The following ADARB2 variants were observed in gnomAD, a reference collection of about 807,000 sequenced individuals.
ADARB2 encodes the protein inactive double-stranded RNA-specific editase B2.
In ADARB2, 25 loss-of-function variants were observed where a neutral mutation model predicts 62.2. That is an observed-to-expected ratio of 0.40 (90% CI 0.29 to 0.56). ADARB2 has a LOEUF of 0.56. Among genes scored for constraint, ADARB2 ranks in the 20% least tolerant of loss-of-function variants. The pLI is 0.43. For synonymous variants in ADARB2, 572 were observed against 500.8 expected, an observed-to-expected ratio of 1.14 and a Z score of -1.90; for missense variants, 1,071 against 1,077.4, an observed-to-expected ratio of 0.99 and a Z score of 0.08.
At chr10:1,645,328 G>A (rs746374856) in intron 1 of ADARB2, among the ~76,000 whole-genome samples, 32 of 152,198 alleles carry the variant, frequency 2.1e-4, no homozygotes, top group African/African-American at 4.1e-4. Flanking sequence ...GATTCTATAT[G>A]TCCCTACTGG....
At chr10:1,529,668 C>T (rs1157037413) in intron 1 of ADARB2, among the ~76,000 whole-genome samples, 3 of 152,234 alleles carry the variant, frequency 2.0e-5, no homozygotes, top group African/African-American at 7.2e-5. Context: ...GCCCCTCTGC[C>T]CCTGCAACTC....
intron 1 of ADARB2, among the ~76,000 whole-genome samples, chr10:1,457,806 A>G (rs1006443525): frequency 6.6e-6 from 1 of 152,070 alleles, no homozygotes. Flanking sequence ...GTGGAATCTC[A>G]CCCTGACAAT....
chr10:1,306,134 T>C (rs1414476844), intron 3 of ADARB2, among the ~76,000 whole-genome samples: 7 of 150,540 alleles, frequency 4.6e-5, no homozygotes, highest in South Asian at 2.1e-4. Flanking sequence ...TGTTTGCAGA[T>C]GACATGATTG....
intron 1 of ADARB2, among the ~76,000 whole-genome samples, chr10:1,604,311 A>C (rs1322851872): frequency 6.6e-6 from 1 of 152,164 alleles, no homozygotes; most frequent in East Asian, 1.9e-4. Context: ...GCATTATCTC[A>C]TTTTAATCTT....
At chr10:1,276,339 CT>C (rs1274278366) in intron 3 of ADARB2, among the ~76,000 whole-genome samples, 10 of 152,234 alleles carry the variant, frequency 6.6e-5, no homozygotes, top group African/African-American at 2.2e-4. Context: ...CCTTCGCCCA[CT>C]TTTTGATGGG....
At chr10:1,432,013 C>T (rs1373699505) in intron 1 of ADARB2, among the ~76,000 whole-genome samples, 1 of 152,176 alleles carries the variant, frequency 6.6e-6, no homozygotes, top group Non-Finnish European at 1.5e-5. Flanking sequence ...AGGTCAGGCA[C>T]CCACTTCTGC....
At chr10:1,647,963 C>A (rs534948891) in intron 1 of ADARB2, among the ~76,000 whole-genome samples, 5 of 152,088 alleles carry the variant, frequency 3.3e-5, no homozygotes, top group South Asian at 2.1e-4. Context: ...AGTTTATGAG[C>A]CTGAAATGCC....
intron 2 of ADARB2, among the ~76,000 whole-genome samples, chr10:1,372,523 C>T (rs1832382129): frequency 6.6e-6 from 1 of 152,092 alleles, no homozygotes; most frequent in Admixed American, 6.5e-5. Flanking sequence ...GCCCTCAGAA[C>T]ACATTAATTG....
chr10:1,357,187 C>T (rs1832203968), intron 3 of ADARB2, among the ~76,000 whole-genome samples: 1 of 152,230 alleles, frequency 6.6e-6, no homozygotes, highest in Admixed American at 6.5e-5. Flanking sequence ...ATCCCTCCTC[C>T]ATTCGATTTA....
chr10:1,580,733 T>C (rs1341857078), intron 1 of ADARB2, among the ~76,000 whole-genome samples: 1 of 152,196 alleles, frequency 6.6e-6, no homozygotes, highest in Non-Finnish European at 1.5e-5. Context: ...GTCCCTGCCC[T>C]AAAAATCCGC....
At chr10:1,301,375 T>C (rs181446635) in intron 3 of ADARB2, among the ~76,000 whole-genome samples, 2 of 152,326 alleles carry the variant, frequency 1.3e-5, no homozygotes, top group African/African-American at 4.8e-5. Flanking sequence ...ATAGCAGCCT[T>C]TGATATGGGG....
intron 1 of ADARB2, among the ~76,000 whole-genome samples, chr10:1,559,260 T>C (rs912347088): frequency 5.4e-4 from 82 of 152,318 alleles, no homozygotes; most frequent in African/African-American, 1.9e-3. Flanking sequence ...GAACAGATCA[T>C]GTTGCAGTGT....
intron 1 of ADARB2, among the ~76,000 whole-genome samples, chr10:1,554,262 G>A (rs1307461913): frequency 1.3e-5 from 2 of 152,144 alleles, no homozygotes; most frequent in African/African-American, 2.4e-5. Flanking sequence ...TGGGCCTGTG[G>A]CTTCCTCATC....
At chr10:1,366,171 T>C (rs1190778834) in intron 2 of ADARB2, among the ~76,000 whole-genome samples, 2 of 151,994 alleles carry the variant, frequency 1.3e-5, no homozygotes, top group Admixed American at 1.3e-4. Flanking sequence ...GGCTGGGGGG[T>C]GACTTCACGT....
intron 1 of ADARB2, among the ~76,000 whole-genome samples, chr10:1,620,410 G>T (rs551868276): frequency 6.6e-6 from 1 of 152,070 alleles, no homozygotes; most frequent in Non-Finnish European, 1.5e-5. Context: ...CTGGAAATGC[G>T]CAGATTTCCA....
In ADARB2 at chr10:1,233,840, C is replaced by G. The variant is rs138937848; in HGVS notation, c.1367G>C (p.Arg456Pro). 1.3e-5 allele frequency: 21 copies of G among 1,613,318 alleles called. No individual in the cohort carries two copies. The highest frequency in any genetic ancestry group is 1.6e-5 in the Non-Finnish European group (19 of 1,179,720). ...TATCGATCGCTCTGAGTCCTCGCGC[C>G]GCTTGCTAGGGTCACAAAGAGGTTT... The part of the protein sequence containing the change: ...YTQLELHLSK[R>P]REDSERSIFV... The change falls in exon 6 of 10, where the codon CGG becomes CCG. Residue 456 changes from arginine to proline, a missense_variant. Coordinates refer to ENST00000381312, the MANE Select transcript of ADARB2 (RefSeq NM_018702.4).
In ADARB2 at chr10:1,190,842, A is replaced by G. The variant is rs536016047; in HGVS notation, c.1865-5803T>C. 3.9e-5 allele frequency among the ~76,000 whole-genome samples: 6 copies of G among 152,274 alleles called. No homozygotes were observed. In the South Asian group the frequency reaches 1.2e-3, roughly 32 times the overall value. On this transcript the variant is annotated intron_variant, in intron 8 of 9. Coordinates refer to ENST00000381312, the MANE Select transcript of ADARB2 (RefSeq NM_018702.4). ...CTGCAAAGACCCCTTTTTTCAGACA[A>G]GGTAATTTACAGGTCAGGGATTAGG...
intron 1 of ADARB2, among the ~76,000 whole-genome samples, chr10:1,698,709 T>A (rs796790398): frequency 6.6e-6 from 1 of 151,006 alleles, no homozygotes; most frequent in Admixed American, 6.6e-5. Flanking sequence ...TTAATTGTAA[T>A]AAAAACAGTG....
chr10:1,246,262 A>G (rs1356758949), intron 4 of ADARB2, among the ~76,000 whole-genome samples: 17 of 151,300 alleles, frequency 1.1e-4, no homozygotes, highest in African/African-American at 3.4e-4. Flanking sequence ...AGTAGATTGC[A>G]AACATTTTCT....
Sources: gnomAD v4.1 joint callset for allele counts (sites outside exome capture counted in the v4.1 genomes callset) on GRCh38, gnomAD v4.1.1 for gene constraint, MANE v1.5 for transcripts, NCBI Gene and HGNC (gene_info 2026-07-23, HGNC 2026-07-21) for gene names.